The following CHST9 variants were observed in gnomAD, a reference collection of about 807,000 sequenced individuals.
CHST9 encodes the protein carbohydrate sulfotransferase 9.
CHST9 carries 41 observed loss-of-function variants against 44.4 expected under a neutral mutation model. The observed-to-expected ratio is 0.92, with a 90% CI of 0.72 to 1.20. CHST9 has a LOEUF of 1.20. Ranked by LOEUF, CHST9 falls within the 50% of genes most tolerant of loss-of-function variation. The pLI, the probability that CHST9 is intolerant of heterozygous loss-of-function variation, is 0.00. For synonymous variants in CHST9, 171 were observed against 178.4 expected, an observed-to-expected ratio of 0.96 and a Z score of 0.33; for missense variants, 504 against 516.5, an observed-to-expected ratio of 0.98 and a Z score of 0.23.
At chr18:27,088,276 A>C (rs1168921995) in intron 2 of CHST9, among the ~76,000 whole-genome samples, 1 of 152,106 alleles carries the variant, frequency 6.6e-6, no homozygotes, top group Non-Finnish European at 1.5e-5. Flanking sequence ...CTACCAAGAA[A>C]AGTCTTCTTT....
intron 4 of CHST9, chr18:26,952,096 C>T (rs781769839): frequency 8.2e-5 from 34 of 414,976 alleles, no homozygotes; most frequent in African/African-American, 2.5e-4. Context: ...GAGCAATACT[C>T]GAACAGCAAA....
In CHST9 at chr18:26,906,506, A is replaced by T. The variant is rs1158285868; in HGVS notation, c.*9753T>A. 1 of 152,230 alleles carries T rather than the reference A, an allele frequency of 6.6e-6. No individual in the cohort carries two copies. The highest frequency in any genetic ancestry group is 2.1e-4 in the South Asian group (1 of 4,826). 9.4% of individuals were successfully genotyped at this position (152,230 alleles called of 1,614,324 possible). On this transcript the variant is annotated 3_prime_UTR_variant, in exon 6 of 6. Transcript: ENST00000618847. Reference sequence around the variant, plus strand: ...TGAGATAAATCAATGGTTTTATTTTATTGAGCACTTATTAAATACTTTACA... The same window carrying T: ...TGAGATAAATCAATGGTTTTATTTTTTTGAGCACTTATTAAATACTTTACA...
At chr18:26,974,655 C>A (rs554874686) in intron 4 of CHST9, among the ~76,000 whole-genome samples, 1 of 151,112 alleles carries the variant, frequency 6.6e-6, no homozygotes, top group Non-Finnish European at 1.5e-5. Context: ...AGCAGGCATA[C>A]TTATTTTCTT....
intron 4 of CHST9, among the ~76,000 whole-genome samples, chr18:27,010,982 CA>C (rs1047529793): frequency 2.6e-5 from 4 of 152,074 alleles, no homozygotes; most frequent in Non-Finnish European, 4.4e-5. Context: ...CTGCTGAGGC[CA>C]GGGCTCTTGG....
intron 1 of CHST9, among the ~76,000 whole-genome samples, chr18:27,159,091 T>A (rs2143921675): frequency 6.6e-6 from 1 of 152,362 alleles, no homozygotes; most frequent in Non-Finnish European, 1.5e-5. Context: ...TTTCTTTTGC[T>A]GTGCAGAAGC....
chr18:27,176,703 A>G (rs73406655), intron 1 of CHST9, among the ~76,000 whole-genome samples: 2,008 of 152,092 alleles, frequency 0.013, 47 homozygotes, highest in African/African-American at 0.046. Context: ...TTAAATATAT[A>G]TCAATAATCT....
At chr18:27,130,248 G>T (rs1208600403) in intron 2 of CHST9, among the ~76,000 whole-genome samples, 1 of 152,118 alleles carries the variant, frequency 6.6e-6, no homozygotes, top group Non-Finnish European at 1.5e-5. Context: ...TGACTGCCAT[G>T]AATTATTTAG....
intron 4 of CHST9, among the ~76,000 whole-genome samples, chr18:26,944,680 A>G (rs928913840): frequency 6.6e-6 from 1 of 152,238 alleles, no homozygotes; most frequent in Non-Finnish European, 1.5e-5. Flanking sequence ...AAATTTGAAC[A>G]ACAGCCAGTC....
chr18:26,979,686 G>A (rs182222245), intron 4 of CHST9, among the ~76,000 whole-genome samples: 3 of 152,236 alleles, frequency 2.0e-5, no homozygotes, highest in African/African-American at 4.8e-5. Context: ...TAGGAGCCAC[G>A]TCTATTTGTC....
rs2145045543 is a variant in CHST9, at chr18:26,916,934, T to C, written c.657A>G (p.Val219=). Residue 219 remains valine, a synonymous_variant, in exon 6 of 6, where the codon GTA becomes GTG. Coordinates refer to ENST00000618847, the MANE Select transcript of CHST9 (RefSeq NM_031422.6). ...TCCAATTGGAACAGCCAGCCTTAGG[T>C]ACCTCACAATATAAGATTTTGTGTT... ...EDKHKILYCE[V]PKAGCSNWKR... The C allele has an allele frequency of 6.2e-7, 1 of 1,613,890 alleles. No individual in the cohort carries two copies. Among genetic ancestry groups the C allele is most frequent in the East Asian group, 2.2e-5 (1 of 44,872 alleles).
intron 3 of CHST9, among the ~76,000 whole-genome samples, chr18:27,046,547 T>TA (rs2057502375): frequency 6.6e-6 from 1 of 151,282 alleles, no homozygotes; most frequent in African/African-American, 2.4e-5. Context: ...AACTAAGATG[T>TA]AAAAAATTCC....
At chr18:27,171,274 C>T (rs2058831863) in intron 1 of CHST9, among the ~76,000 whole-genome samples, 1 of 152,044 alleles carries the variant, frequency 6.6e-6, no homozygotes, top group Admixed American at 6.6e-5. Context: ...GAGGCGCAGG[C>T]AAGAGGAAAG....
chr18:27,051,405 C>A (rs1280459984), intron 2 of CHST9, among the ~76,000 whole-genome samples: 1 of 152,178 alleles, frequency 6.6e-6, no homozygotes, highest in Non-Finnish European at 1.5e-5. Context: ...AACAACAAAG[C>A]AGGACCCCAT....
intron 3 of CHST9, among the ~76,000 whole-genome samples, chr18:27,031,765 A>G (rs2057343076): frequency 6.6e-6 from 1 of 152,216 alleles, no homozygotes; most frequent in Non-Finnish European, 1.5e-5. Context: ...AGCTTGAAAC[A>G]GCCCTCATCC....
chr18:26,957,921 T>C (rs1456853732), intron 4 of CHST9, among the ~76,000 whole-genome samples: 1 of 151,904 alleles, frequency 6.6e-6, no homozygotes, highest in Non-Finnish European at 1.5e-5. Context: ...GGGTCACTCT[T>C]TGTCATCCAG....
intron 4 of CHST9, among the ~76,000 whole-genome samples, chr18:27,018,103 GTAGT>G (rs1383486406): frequency 1.3e-5 from 2 of 152,162 alleles, no homozygotes; most frequent in East Asian, 3.9e-4. Context: ...AGCAAGGGGA[GTAGT>G]TACACTTTGA....
chr18:27,094,985 A>T (rs1201813627), intron 2 of CHST9, among the ~76,000 whole-genome samples: 1 of 152,194 alleles, frequency 6.6e-6, no homozygotes, highest in Non-Finnish European at 1.5e-5. Context: ...TATTTCTACT[A>T]TCCACACTCT....
At position 27,152,782 on chromosome 18, in the gene CHST9, C is replaced by G. The variant is rs528404007; in HGVS notation, c.-96-9877G>C. On this transcript the variant is annotated intron_variant, in intron 1 of 5. Transcript: ENST00000618847. ...GAGCCTTTTAAAAAATTTTTGGAGT[C>G]CTGGGATTTTTCTGCGGTGGTACAA... 2.0e-5 allele frequency among the ~76,000 whole-genome samples: 3 copies of G among 151,632 alleles called. No individual in the cohort carries two copies. The South Asian group carries it at 6.3e-4, about 32-fold the overall frequency.
chr18:27,159,133 T>G (rs1310409605), intron 1 of CHST9, among the ~76,000 whole-genome samples: 1 of 152,142 alleles, frequency 6.6e-6, no homozygotes, highest in Non-Finnish European at 1.5e-5. Flanking sequence ...ATTTGTCAAT[T>G]TTGGCTTTTG....
Sources: allele counts gnomAD v4.1 joint callset (sites outside exome capture counted in the v4.1 genomes callset), GRCh38; gene constraint gnomAD v4.1.1; transcripts MANE v1.5; gene names NCBI Gene and HGNC (gene_info 2026-07-23, HGNC 2026-07-21).